WDR49: variants seen among roughly 807,000 people sequenced by gnomAD.
WDR49 encodes the protein WD repeat domain 49, also known as cilia- and flagella-associated protein 337.
A neutral mutation model predicts 119.5 loss-of-function variants in WDR49; 107 were observed. The ratio of observed to expected loss-of-function variants is 0.90; its 90% CI spans 0.77 to 1.05. The LOEUF (loss-of-function observed/expected upper bound fraction) is 1.05, where lower values mean the gene tolerates loss of function less well. Among genes scored for constraint, WDR49 ranks in the 50% least tolerant of loss-of-function variants. WDR49 has a pLI of 0.00. For missense variants in WDR49, 1,240 were observed against 1,220.5 expected, an observed-to-expected ratio of 1.02 and a Z score of -0.24; for synonymous variants, 425 against 418.8, an observed-to-expected ratio of 1.01 and a Z score of -0.18.
intron 7 of WDR49, 31 bp downstream of exon 7, chr3:167,602,096 C>T (rs375342744): frequency 1.8e-5 from 28 of 1,546,004 alleles, no homozygotes; most frequent in Non-Finnish European, 2.5e-5. Flanking sequence ...GGAAGCAAAA[C>T]TAAATTAATT....
At position 167,532,903 on chromosome 3, in the gene WDR49, G is replaced by A; in HGVS notation, c.2029C>T (p.Gln677Ter). Residue 677 changes from glutamine (Q) to a stop codon, truncating the protein, a stop_gained, in exon 12 of 19, where the codon CAG becomes TAG. Coordinates refer to ENST00000682715, the MANE Select transcript of WDR49 (RefSeq NM_001366157.1). LOFTEE classifies it high-confidence loss of function. ...NAHHVLHPDY[Q>*]RLLKSKLDTK... is the part of the protein sequence containing the mutation. ...CCTAATTTTGACTTTAGCAACCTCT[G>A]GTAATCAGGGTGAAGAACATGGTGA... is the stretch of plus-strand genomic sequence containing the variant. 6.2e-7 allele frequency: 1 copy of A among 1,608,572 alleles called. No individual in the cohort carries two copies. The highest frequency in any genetic ancestry group is 8.5e-7 in the Non-Finnish European group (1 of 1,176,686).
At chr3:167,624,653 A>G (rs1717041564) in intron 3 of WDR49, among the ~76,000 whole-genome samples, 1 of 152,124 alleles carries the variant, frequency 6.6e-6, no homozygotes, top group South Asian at 2.1e-4. Flanking sequence ...TTAAAAAGAA[A>G]AAAGCAACAT....
chr3:167,648,470 G>A (rs1313423106), intron 2 of WDR49, among the ~76,000 whole-genome samples: 1 of 152,140 alleles, frequency 6.6e-6, no homozygotes, highest in East Asian at 1.9e-4. Context: ...ACTAAATTTA[G>A]CTTTGAACTT....
At chr3:167,517,718 C>CTTTTA (rs1305520254) in intron 16 of WDR49, among the ~76,000 whole-genome samples, 1 of 143,416 alleles carries the variant, frequency 7.0e-6, no homozygotes, top group African/African-American at 2.6e-5. Context: ...TTTTTCTTTT[C>CTTTTA]TTTTCTTTTC....
At chr3:167,509,068 A>G (rs2108217649) in intron 16 of WDR49, among the ~76,000 whole-genome samples, 1 of 152,282 alleles carries the variant, frequency 6.6e-6, no homozygotes, top group East Asian at 1.9e-4. Flanking sequence ...CCTTGTATAA[A>G]CTTACTGGGA....
intron 5 of WDR49, among the ~76,000 whole-genome samples, chr3:167,619,562 C>T (rs1449436990): frequency 2.0e-5 from 3 of 152,028 alleles, no homozygotes; most frequent in Non-Finnish European, 4.4e-5. Context: ...CTTCTGAAAC[C>T]CAAAGAGGGT....
chr3:167,598,871 T>G (rs746934257), intron 7 of WDR49, among the ~76,000 whole-genome samples: 2 of 152,226 alleles, frequency 1.3e-5, no homozygotes, highest in African/African-American at 2.4e-5. Context: ...TTGGATAAAA[T>G]CCAGAAGTGT....
chr3:167,505,514 A>G (rs1213970387), intron 16 of WDR49, 98 bp from the exon 17 acceptor site: 6 of 1,343,668 alleles, frequency 4.5e-6, no homozygotes, highest in Non-Finnish European at 5.7e-6. Context: ...AAACAAAAAC[A>G]AAAACAAAAA....
intron 15 of WDR49, among the ~76,000 whole-genome samples, chr3:167,525,263 T>C (rs1752592928): frequency 6.6e-6 from 1 of 152,148 alleles, no homozygotes; most frequent in Non-Finnish European, 1.5e-5. Context: ...TTTTGTATCC[T>C]GAGACTTTGC....
At chr3:167,614,891 C>A (rs915684645) in intron 5 of WDR49, among the ~76,000 whole-genome samples, 1 of 152,124 alleles carries the variant, frequency 6.6e-6, no homozygotes, top group African/African-American at 2.4e-5. Flanking sequence ...AAAGAGAATA[C>A]CAAATTAAAC....
intron 2 of WDR49, among the ~76,000 whole-genome samples, chr3:167,638,262 A>C (rs1228701474): frequency 6.6e-6 from 1 of 151,400 alleles, no homozygotes; most frequent in Non-Finnish European, 1.5e-5. Context: ...CTACATGAAA[A>C]ATTGCTCATA....
chr3:167,564,760 T>C (rs1323692534), intron 8 of WDR49, among the ~76,000 whole-genome samples: 1 of 152,204 alleles, frequency 6.6e-6, no homozygotes, highest in East Asian at 1.9e-4. Flanking sequence ...CTCCTTTTTG[T>C]TTCTCTCATC....
At chr3:167,565,475 G>A (rs1483214857) in intron 8 of WDR49, among the ~76,000 whole-genome samples, 1 of 151,638 alleles carries the variant, frequency 6.6e-6, no homozygotes, top group Non-Finnish European at 1.5e-5. Flanking sequence ...TATATATGAT[G>A]TTTGGTGGTA....
At chr3:167,515,572 C>T (rs571271507) in intron 16 of WDR49, among the ~76,000 whole-genome samples, 4 of 152,166 alleles carry the variant, frequency 2.6e-5, no homozygotes. Context: ...CCTTGAAAAC[C>T]GGCACAAGAC....
chr3:167,620,734 G>A, intron 4 of WDR49, 131 bp from the exon 5 acceptor site: 1 of 890,842 alleles, frequency 1.1e-6, no homozygotes, highest in Non-Finnish European at 1.6e-6. Context: ...TTTAAAGGAT[G>A]CAGGGTGTTA....
At chr3:167,525,222 T>A (rs890974366) in intron 15 of WDR49, among the ~76,000 whole-genome samples, 1 of 152,108 alleles carries the variant, frequency 6.6e-6, no homozygotes, top group Non-Finnish European at 1.5e-5. Flanking sequence ...ATTATTGGTG[T>A]ACAGGAATGC....
chr3:167,537,949 A>G (rs1466860291), intron 10 of WDR49, among the ~76,000 whole-genome samples: 1 of 152,028 alleles, frequency 6.6e-6, no homozygotes, highest in Non-Finnish European at 1.5e-5. Flanking sequence ...TCAGCCTCAG[A>G]GTTTCCAGTA....
chr3:167,517,432 A>G (rs1752256612), intron 16 of WDR49, among the ~76,000 whole-genome samples: 2 of 152,166 alleles, frequency 1.3e-5, no homozygotes, highest in African/African-American at 4.8e-5. Context: ...AGGATTCCCT[A>G]TTTAATAAAT....
At chr3:167,502,003 G>A (rs1014733681) in intron 17 of WDR49, among the ~76,000 whole-genome samples, 3 of 152,114 alleles carry the variant, frequency 2.0e-5, no homozygotes, top group African/African-American at 7.2e-5. Flanking sequence ...CCCCAGCATT[G>A]GAGATGGGGC....
Sources: allele counts gnomAD v4.1 joint callset (sites outside exome capture counted in the v4.1 genomes callset), GRCh38; gene constraint gnomAD v4.1.1; transcripts MANE v1.5; gene names NCBI Gene and HGNC (gene_info 2026-07-23, HGNC 2026-07-21).